Variants in WWOX observed in about 807,000 individuals in gnomAD.
WWOX encodes the protein WW domain containing oxidoreductase, also known as WW domain-containing oxidoreductase.
In WWOX, 69 loss-of-function variants were observed where a neutral mutation model predicts 46.2. The observed-to-expected ratio is 1.49, with a 90% CI of 1.23 to 1.82. The LOEUF is 1.82. Ranked by LOEUF, WWOX falls within the 40% of genes most tolerant of loss-of-function variation. WWOX has a pLI of 0.00. For missense variants in WWOX, 919 were observed against 542.6 expected (o/e 1.69, Z -6.89); for synonymous variants, 359 against 202.6 (o/e 1.77, Z -6.56).
At chr16:78,691,763 A>G (rs117286288) in intron 8 of WWOX, among the ~76,000 whole-genome samples, 1,966 of 152,290 alleles carry the variant, frequency 0.013, 20 homozygotes, top group South Asian at 0.036. Context: ...GTATCCCTGT[A>G]GGAGAGAGTT....
At chr16:78,143,238 C>G (rs1028696275) in intron 4 of WWOX, among the ~76,000 whole-genome samples, 8 of 152,172 alleles carry the variant, frequency 5.3e-5, no homozygotes, top group African/African-American at 1.9e-4. Context: ...TGTAAATTGT[C>G]TAAAATTAAA....
intron 8 of WWOX, among the ~76,000 whole-genome samples, chr16:79,009,514 C>T (rs1314856550): frequency 6.6e-6 from 1 of 151,966 alleles, no homozygotes; most frequent in Non-Finnish European, 1.5e-5. Context: ...GTCACCTAGG[C>T]TGGAGTGTAG....
At chr16:78,801,440 T>G (rs1010113441) in intron 8 of WWOX, among the ~76,000 whole-genome samples, 1 of 152,016 alleles carries the variant, frequency 6.6e-6, no homozygotes, top group African/African-American at 2.4e-5. Context: ...ACCCAGGAGG[T>G]AGAGGTTGCA....
chr16:78,115,745 G>A (rs982035905), intron 4 of WWOX, among the ~76,000 whole-genome samples: 9 of 152,182 alleles, frequency 5.9e-5, no homozygotes, highest in African/African-American at 9.7e-5. Context: ...TAAGGAGACA[G>A]GAGCAAGGCG....
At chr16:78,719,280 G>T (rs2048639388) in intron 8 of WWOX, among the ~76,000 whole-genome samples, 5 of 142,908 alleles carry the variant, frequency 3.5e-5, no homozygotes, top group Admixed American at 1.4e-4. Flanking sequence ...CATGGCTGAA[G>T]GGTTATTCTG....
intron 8 of WWOX, among the ~76,000 whole-genome samples, chr16:78,704,834 G>C (rs1181742224): frequency 6.6e-6 from 1 of 151,978 alleles, no homozygotes; most frequent in Non-Finnish European, 1.5e-5. Flanking sequence ...CAGTTTCAGA[G>C]CATTGACATT....
intron 8 of WWOX, among the ~76,000 whole-genome samples, chr16:78,587,796 C>G (rs1347053512): frequency 6.6e-6 from 1 of 152,116 alleles, no homozygotes; most frequent in Non-Finnish European, 1.5e-5. Flanking sequence ...GATCCTTAGG[C>G]CAGGACTTTT....
chr16:78,185,685 T>C lies in WWOX; in HGVS notation c.516+21396T>C, dbSNP rs926274115. ...GACTTTTTATTTTATTTTTTATTTT[T>C]ACATGGAGTCTCGCTCTGTTACCCA... is the stretch of plus-strand genomic sequence containing the variant. On this transcript the variant is annotated intron_variant, in intron 5 of 8. Coordinates refer to ENST00000566780, the MANE Select transcript of WWOX (RefSeq NM_016373.4). Among the ~76,000 whole-genome samples the C allele has an allele frequency of 7.2e-5, 11 of 152,238 alleles. No individual in the cohort carries two copies. The South Asian group carries it at 2.3e-3, about 32-fold the overall frequency.
At chr16:78,628,331 C>G (rs915428410) in intron 8 of WWOX, among the ~76,000 whole-genome samples, 1 of 152,088 alleles carries the variant, frequency 6.6e-6, no homozygotes, top group South Asian at 2.1e-4. Flanking sequence ...TCTCAGCCTT[C>G]CAGCAGAATC....
At position 78,383,604 on chromosome 16, in the gene WWOX, C is replaced by G. The variant is rs181168439; in HGVS notation, c.517-3256C>G. On this transcript the variant is annotated intron_variant, in intron 5 of 8. Coordinates refer to ENST00000566780, the MANE Select transcript of WWOX (RefSeq NM_016373.4). ...TATTTAGAGCATGTCCCACTACAAA[C>G]ATTTCTATAAAGTTACTAAGTTTGT... Among the ~76,000 whole-genome samples, 79 of 152,278 alleles carry G rather than the reference C, an allele frequency of 5.2e-4. 1 individual carries two copies. In the East Asian group the frequency reaches 9.8e-3, roughly 19 times the overall value.
chr16:78,378,644 G>C (rs1368848276), intron 5 of WWOX, among the ~76,000 whole-genome samples: 4 of 152,178 alleles, frequency 2.6e-5, no homozygotes, highest in Non-Finnish European at 5.9e-5. Flanking sequence ...TTGTAAATGT[G>C]ACAGCTCCTA....
At chr16:78,504,310 A>C (rs1426906925) in intron 8 of WWOX, among the ~76,000 whole-genome samples, 1 of 152,238 alleles carries the variant, frequency 6.6e-6, no homozygotes, top group Non-Finnish European at 1.5e-5. Context: ...CAGTAAACTA[A>C]AGAAGATTGT....
At chr16:78,795,957 G>C (rs2142624380) in intron 8 of WWOX, among the ~76,000 whole-genome samples, 1 of 152,312 alleles carries the variant, frequency 6.6e-6, no homozygotes, top group East Asian at 1.9e-4. Flanking sequence ...AAGAAAATCA[G>C]ATGATGTCTA....
At chr16:78,477,680 A>G (rs1258409843) in intron 8 of WWOX, among the ~76,000 whole-genome samples, 2 of 152,206 alleles carry the variant, frequency 1.3e-5, no homozygotes, top group African/African-American at 4.8e-5. Context: ...TTTAGCCTAT[A>G]AACTGAAATG....
At chr16:78,166,538 C>G (rs2034979429) in intron 5 of WWOX, among the ~76,000 whole-genome samples, 1 of 151,372 alleles carries the variant, frequency 6.6e-6, no homozygotes, top group Admixed American at 6.6e-5. Context: ...GAGTCATTTT[C>G]TTTTTTCTTT....
At chr16:78,308,251 A>T (rs1402029220) in intron 5 of WWOX, among the ~76,000 whole-genome samples, 1 of 152,180 alleles carries the variant, frequency 6.6e-6, no homozygotes, top group African/African-American at 2.4e-5. Context: ...AGGTGAGTGT[A>T]AACCAAAAAT....
At chr16:78,484,086 T>C (rs965676150) in intron 8 of WWOX, among the ~76,000 whole-genome samples, 9 of 152,232 alleles carry the variant, frequency 5.9e-5, no homozygotes, top group South Asian at 2.1e-4. Flanking sequence ...TTATCAATTT[T>C]GAAGGAATCA....
intron 8 of WWOX, among the ~76,000 whole-genome samples, chr16:79,018,876 C>T (rs1199012133): frequency 6.6e-6 from 1 of 151,924 alleles, no homozygotes. Flanking sequence ...TAGGGCTGGG[C>T]GTGGTGGCTC....
At chr16:79,136,592 C>T (rs990881489) in intron 8 of WWOX, among the ~76,000 whole-genome samples, 1 of 152,120 alleles carries the variant, frequency 6.6e-6, no homozygotes, top group Non-Finnish European at 1.5e-5. Context: ...TGAACAGGAA[C>T]TTAAAGCCAG....
Sources: gnomAD v4.1 joint callset for allele counts (sites outside exome capture counted in the v4.1 genomes callset) on GRCh38, gnomAD v4.1.1 for gene constraint, MANE v1.5 for transcripts, NCBI Gene and HGNC (gene_info 2026-07-23, HGNC 2026-07-21) for gene names.